Variants in TRIM14 observed in about 807,000 individuals in gnomAD.
TRIM14 encodes tripartite motif-containing protein 14.
In TRIM14, 28 loss-of-function variants were observed where a neutral mutation model predicts 44.5. The observed-to-expected ratio is 0.63, with a 90% CI of 0.47 to 0.86. TRIM14 has a LOEUF of 0.86. TRIM14 is among the 40% of genes least tolerant of loss of function. The probability of loss-of-function intolerance (pLI) is 0.00; values close to 1 mark genes in which losing one functional copy is unlikely to be tolerated. For missense variants in TRIM14, 607 were observed against 611.1 expected, an observed-to-expected ratio of 0.99 and a Z score of 0.07; for synonymous variants, 299 against 269.2, an observed-to-expected ratio of 1.11 and a Z score of -1.08.
chr9:98,088,011 G>A lies in TRIM14; in HGVS notation c.794-6C>T. 5.3e-6 allele frequency: 8 copies of A among 1,522,108 alleles called. No homozygotes were observed. The highest frequency in any genetic ancestry group is 6.1e-6 in the Non-Finnish European group (7 of 1,148,494). 94.3% of individuals were successfully genotyped at this position (1,522,108 alleles called of 1,614,324 possible). On this transcript the variant is annotated splice_region_variant and splice_polypyrimidine_tract_variant and intron_variant, in intron 5 of 5. Transcript: ENST00000341469. ...CAGCGTGGGCGTGCGCGCGTCTGCA[G>A]GGGGCGAGACAAGGGACGCACCTGG...
intron 5 of TRIM14, among the ~76,000 whole-genome samples, chr9:98,091,401 G>A (rs528243926): frequency 6.6e-6 from 1 of 152,240 alleles, no homozygotes; most frequent in Admixed American, 6.5e-5. Flanking sequence ...AGGCTGCAGT[G>A]AGCCATGACT....
chr9:98,091,488 C>T (rs996399972), intron 5 of TRIM14, among the ~76,000 whole-genome samples: 2 of 152,080 alleles, frequency 1.3e-5, no homozygotes, highest in African/African-American at 4.8e-5. Flanking sequence ...GGCACAGTGG[C>T]TCACTGTATA....
chr9:98,040,211 C>G, the TRIM14 span, among the ~76,000 whole-genome samples: 1 of 152,288 alleles, frequency 6.6e-6, no homozygotes, highest in East Asian at 1.9e-4. Context: ...CCCCTCAACT[C>G]TTTGGATTCC....
intron 2 of TRIM14, among the ~76,000 whole-genome samples, chr9:98,104,143 G>A (rs1265217523): frequency 1.3e-5 from 2 of 152,214 alleles, no homozygotes; most frequent in Admixed American, 1.3e-4. Context: ...ATAGCTTTAA[G>A]CTAGCCTGGG....
the TRIM14 span, among the ~76,000 whole-genome samples, chr9:98,043,607 G>A: frequency 6.7e-6 from 1 of 148,960 alleles, no homozygotes; most frequent in African/African-American, 2.5e-5. Context: ...TAAAATTATA[G>A]AAATCTATCA....
At chr9:98,118,103 ACAGAAGACTT>A (rs1165656249) in intron 1 of TRIM14, among the ~76,000 whole-genome samples, 1 of 152,088 alleles carries the variant, frequency 6.6e-6, no homozygotes, top group Admixed American at 6.6e-5. Flanking sequence ...TGAATTCATC[ACAGAAGACTT>A]CTTGGAGACA....
chr9:98,119,220 C>T lies in TRIM14; in HGVS notation c.-32G>A, dbSNP rs773073096. 1.5e-5 allele frequency: 24 copies of T among 1,552,388 alleles called. No individual in the cohort carries two copies. In the Admixed American group the frequency reaches 4.4e-4, roughly 29 times the overall value. On this transcript the variant is annotated 5_prime_UTR_variant, in exon 1 of 6. The change creates a new upstream start codon in the 5' untranslated region. Coordinates refer to ENST00000341469, the MANE Select transcript of TRIM14 (RefSeq NM_014788.4). ...CCACCTCCTCCGGCTCCCCGGGACACAGGGCGGGGCTCCCAAGGGAAACCG... is the reference window on the plus strand; with the variant it reads ...CCACCTCCTCCGGCTCCCCGGGACATAGGGCGGGGCTCCCAAGGGAAACCG...
chr9:98,060,870 A>C, the TRIM14 span: 1 of 1,614,092 alleles, frequency 6.2e-7, no homozygotes, highest in African/African-American at 1.3e-5. Context: ...TACACCTCGA[A>C]GCATTCCTGG....
chr9:98,067,483 C>G (rs904413895), downstream of TRIM14, among the ~76,000 whole-genome samples: 21 of 152,310 alleles, frequency 1.4e-4, no homozygotes, highest in African/African-American at 5.1e-4. Flanking sequence ...TTGCATTTCT[C>G]TGATGCATCT....
the TRIM14 span, among the ~76,000 whole-genome samples, chr9:98,048,473 G>A: frequency 9.2e-5 from 14 of 152,220 alleles, no homozygotes; most frequent in East Asian, 3.9e-4. Flanking sequence ...TGTGTTGTGC[G>A]TGTGATGTTT....
At chr9:98,091,762 A>G (rs1421005247) in intron 5 of TRIM14, 147 bp downstream of exon 5, 2 of 454,846 alleles carry the variant, frequency 4.4e-6, no homozygotes, top group Non-Finnish European at 7.0e-6. Context: ...AATAATAAAC[A>G]TTTTTTAAAA....
chr9:98,058,984 G>A, the TRIM14 span, among the ~76,000 whole-genome samples: 4 of 152,068 alleles, frequency 2.6e-5, no homozygotes, highest in African/African-American at 4.8e-5. Flanking sequence ...CTAAGAGCAG[G>A]AGTAGTGATC....
chr9:98,036,374 G>A, the TRIM14 span, among the ~76,000 whole-genome samples: 13 of 151,752 alleles, frequency 8.6e-5, no homozygotes, highest in Non-Finnish European at 1.9e-4. Flanking sequence ...GGTGGCATGT[G>A]CCTATACTCC....
intron 5 of TRIM14, among the ~76,000 whole-genome samples, chr9:98,089,379 G>A (rs975542685): frequency 6.6e-6 from 1 of 152,132 alleles, no homozygotes; most frequent in Admixed American, 6.5e-5. Context: ...GTTTCATCAT[G>A]TTGGCCAGGC....
rs376137711 is a variant in TRIM14, at chr9:98,095,137, G to A, written c.538-108C>T. ...CCACACCAGCATGCCCAGGCTCCAC[G>A]TTGGCCTGGCACCTATGGTCAGCCC... On this transcript the variant is annotated intron_variant, in intron 3 of 5. Coordinates refer to ENST00000341469, the MANE Select transcript of TRIM14 (RefSeq NM_014788.4). The surrounding 1 kb of genome is among the most constrained non-coding windows in gnomAD (Gnocchi z 4.1). 4.4e-4 allele frequency: 609 copies of A among 1,395,582 alleles called. No homozygotes were observed. In the African/African-American group the frequency reaches 4.4e-3, roughly 10 times the overall value. 86.4% of individuals were successfully genotyped at this position (1,395,582 alleles called of 1,614,324 possible).
At position 98,119,176 on chromosome 9, in the gene TRIM14, C is replaced by A. The variant is rs754174890; in HGVS notation, c.13G>T (p.Ala5Ser). The change falls in exon 1 of 6, where the codon GCG (alanine) becomes TCG (serine). Residue 5 changes from alanine (A) to serine (S), a missense_variant. This residue lies in a region of TRIM14 where 246 missense variants were observed against 270.8 expected (regional missense o/e 0.91). Transcript: ENST00000341469. ...CTCCCAGGGGTCCGGCTCCCGGTCG[C>A]CGCGCCCGCCATTCATCTCCACCTC... is the stretch of plus-strand genomic sequence containing the variant. MAGA[A>S]TGSRTPGRSE... 1 of 1,574,176 alleles carries A rather than the reference C, an allele frequency of 6.4e-7. No individual in the cohort carries two copies. Among genetic ancestry groups the A allele is most frequent in the Non-Finnish European group, 8.5e-7 (1 of 1,170,614 alleles).
chr9:98,060,775 GT>G, the TRIM14 span: 5 of 1,613,734 alleles, frequency 3.1e-6, no homozygotes, highest in Admixed American at 3.3e-5. Context: ...CCTAATGTGT[GT>G]TGTAGGAGTG....
At chr9:98,118,461 G>C (rs889419611) in intron 1 of TRIM14, among the ~76,000 whole-genome samples, 1 of 152,208 alleles carries the variant, frequency 6.6e-6, no homozygotes, top group Non-Finnish European at 1.5e-5. Context: ...TGGCCGGGGA[G>C]GGGAGAGGAG....
At chr9:98,114,602 G>A (rs545337310) in intron 1 of TRIM14, among the ~76,000 whole-genome samples, 3 of 152,108 alleles carry the variant, frequency 2.0e-5, no homozygotes, top group Admixed American at 1.3e-4. Context: ...GATTACAGGC[G>A]TGAGCCACCG....
Sources: allele counts gnomAD v4.1 joint callset (sites outside exome capture counted in the v4.1 genomes callset), GRCh38; gene constraint gnomAD v4.1.1; regional missense constraint gnomAD v4.1.1; non-coding constraint Gnocchi (gnomAD v3.1); transcripts MANE v1.5; gene names NCBI Gene and HGNC (gene_info 2026-07-23, HGNC 2026-07-21).